MTCL1: variants seen among roughly 807,000 people sequenced by gnomAD.
MTCL1 encodes the protein microtubule crosslinking factor 1, also known as microtubule cross-linking factor 1.
In MTCL1, 79 loss-of-function variants were observed where a neutral mutation model predicts 141.4. That is an observed-to-expected ratio of 0.56 (90% confidence interval 0.47 to 0.67). The LOEUF is 0.67. Among genes scored for constraint, MTCL1 ranks in the 30% least tolerant of loss-of-function variants. The probability of loss-of-function intolerance (pLI) is 0.00; values close to 1 mark genes in which losing one functional copy is unlikely to be tolerated. For synonymous variants in MTCL1, 914 were observed against 875.8 expected, an observed-to-expected ratio of 1.04 and a Z score of -0.77; for missense variants, 2,177 against 2,113.9, an observed-to-expected ratio of 1.03 and a Z score of -0.59.
chr18:8,773,591 G>T (rs1435386162), intron 4 of MTCL1, among the ~76,000 whole-genome samples: 1 of 151,778 alleles, frequency 6.6e-6, no homozygotes, highest in East Asian at 1.9e-4. Flanking sequence ...CTTTTCTCTG[G>T]ATGTTTCTGC....
At chr18:8,824,946 A>G (rs779336814) in exon 15 of MTCL1, 1 of 1,613,682 alleles carries the variant, frequency 6.2e-7, no homozygotes, top group South Asian at 1.1e-5. Flanking sequence ...GCACGAGGAC[A>G]GCACAGAGCC....
At chr18:8,831,038 A>G in intron 16 of MTCL1, 1 of 985,694 alleles carries the variant, frequency 1.0e-6, no homozygotes, top group Non-Finnish European at 1.2e-6. Flanking sequence ...TGCCTGCAGC[A>G]TTTTTGCCAT....
chr18:8,706,066 G>T, exon 1 of MTCL1: 1 of 1,194,402 alleles, frequency 8.4e-7, no homozygotes, highest in Admixed American at 4.5e-5. Context: ...GGCGCGCGTG[G>T]CGCCCGCGGA....
At chr18:8,756,433 A>ATG (rs1325789454) in intron 4 of MTCL1, among the ~76,000 whole-genome samples, 7 of 138,084 alleles carry the variant, frequency 5.1e-5, no homozygotes, top group African/African-American at 1.7e-4. Flanking sequence ...ATGTGTATAT[A>ATG]TGTATATATG....
At chr18:8,739,856 C>T (rs1216308702) in intron 4 of MTCL1, among the ~76,000 whole-genome samples, 2 of 152,168 alleles carry the variant, frequency 1.3e-5, no homozygotes, top group African/African-American at 4.8e-5. Context: ...CTCAGCCTCC[C>T]GAGTAGCTGG....
At chr18:8,824,820 G>A (rs763269773) in exon 15 of MTCL1, 2 of 1,614,138 alleles carry the variant, frequency 1.2e-6, no homozygotes. Flanking sequence ...CCTGTCTCCA[G>A]ACGACCTCAA....
At chr18:8,821,478 T>A (rs2076844419) in exon 14 of MTCL1, 2 of 1,441,250 alleles carry the variant, frequency 1.4e-6, no homozygotes, top group Middle Eastern at 1.8e-4. Flanking sequence ...AAGAAGAAAA[T>A]CACAAAGGAA....
intron 5 of MTCL1, among the ~76,000 whole-genome samples, chr18:8,778,659 G>T (rs557689625): frequency 6.6e-6 from 1 of 152,158 alleles, no homozygotes; most frequent in East Asian, 1.9e-4. Context: ...ATCATTCAAG[G>T]GGGGGCAGGC....
upstream of MTCL1, among the ~76,000 whole-genome samples, chr18:8,713,007 G>T (rs1053128174): frequency 2.0e-5 from 3 of 152,130 alleles, no homozygotes; most frequent in South Asian, 4.1e-4. Flanking sequence ...ATACTAAGAA[G>T]CCATGGATTT....
At chr18:8,770,345 T>C (rs1164865057) in intron 4 of MTCL1, among the ~76,000 whole-genome samples, 1 of 152,220 alleles carries the variant, frequency 6.6e-6, no homozygotes, top group African/African-American at 2.4e-5. Context: ...TAACAAAATA[T>C]CACAGGCTAG....
At chr18:8,719,059 A>G (rs1440654333) in intron 3 of MTCL1, among the ~76,000 whole-genome samples, 1 of 152,222 alleles carries the variant, frequency 6.6e-6, no homozygotes, top group African/African-American at 2.4e-5. Flanking sequence ...TCTAGGATGT[A>G]GAAATCCTGA....
In MTCL1 at chr18:8,775,789, TAGTC is replaced by T. The variant is rs745775986; in HGVS notation, c.358-2041_358-2038del. Among the ~76,000 whole-genome samples, 5 of 152,300 alleles carry T rather than the reference TAGTC, an allele frequency of 3.3e-5. No individual in the cohort carries two copies. In the East Asian group the frequency reaches 7.7e-4, roughly 24 times the overall value. On this transcript the variant is annotated intron_variant, in intron 4 of 16. Coordinates refer to ENST00000359865, the Ensembl canonical transcript of MTCL1. ...CAGCTGGGGTTCCTTCCACCTTTGT[TAGTC>T]AGGGAGCCTGCTGCCCCTGCTCCAT...
chr18:8,710,149 T>C (rs2096079004), intron 1 of MTCL1, among the ~76,000 whole-genome samples: 1 of 149,896 alleles, frequency 6.7e-6, no homozygotes, highest in South Asian at 2.1e-4. Flanking sequence ...CTGGCCTGTA[T>C]TTTTTTAAAT....
At chr18:8,787,326 T>G (rs2096559792) in intron 7 of MTCL1, 1 of 152,370 alleles carries the variant, frequency 6.6e-6, no homozygotes, top group Admixed American at 6.5e-5. Context: ...GGTCTTCAGA[T>G]GAAGTCTCTC....
intron 1 of MTCL1, among the ~76,000 whole-genome samples, chr18:8,708,591 C>T (rs1306443584): frequency 6.6e-6 from 1 of 152,196 alleles, no homozygotes; most frequent in East Asian, 1.9e-4. Flanking sequence ...TTTTACTGCA[C>T]CGGGATGCAG....
rs547414790 is a variant in MTCL1, at chr18:8,718,877, A to G, written c.198+229A>G. 2.6e-5 allele frequency among the ~76,000 whole-genome samples: 4 copies of G among 152,296 alleles called. No homozygotes were observed. The South Asian group carries it at 8.3e-4, about 32-fold the overall frequency. ...TTTAAAAAAATGATGATTATTTGTG[A>G]TAACGAAGAATTAATACCTGCCAAT... is the stretch of plus-strand genomic sequence containing the variant. On this transcript the variant is annotated intron_variant, in intron 3 of 16. Coordinates refer to ENST00000359865, the Ensembl canonical transcript of MTCL1.
chr18:8,784,386 C>T lies in MTCL1; in HGVS notation c.1274C>T (p.Thr425Met), dbSNP rs367871130. Reference sequence around the variant, plus strand: ...GACTCGGAGGAAATGTTTGAGAAGACGTCGGGCTTCGGGAGCGGGAAGCCA... The same window carrying T: ...GACTCGGAGGAAATGTTTGAGAAGATGTCGGGCTTCGGGAGCGGGAAGCCA... The change falls in exon 6 of 17, where the codon ACG becomes ATG. Residue 425 changes from threonine to methionine, a missense_variant. Physicochemically the swap from Thr to Met is moderately conservative, Grantham distance 81 (BLOSUM62 -1). Transcript: ENST00000359865. 4.3e-5 allele frequency: 66 copies of T among 1,527,456 alleles called. No homozygotes were observed. The highest frequency in any genetic ancestry group is 1.0e-4 in the Admixed American group (5 of 48,132). The allele number at this position is 1,527,456 out of a possible 1,614,324, so 94.6% of individuals were successfully genotyped here. A position where few individuals can be genotyped will look rare whatever the true frequency, so the allele number is the denominator to read the frequency against.
intron 4 of MTCL1, among the ~76,000 whole-genome samples, chr18:8,765,595 C>T (rs1197861991): frequency 6.6e-6 from 1 of 152,186 alleles, no homozygotes; most frequent in Non-Finnish European, 1.5e-5. Flanking sequence ...CCCAACCACA[C>T]GAGGGATGGA....
At chr18:8,753,260 G>T (rs1300921149) in intron 4 of MTCL1, among the ~76,000 whole-genome samples, 1 of 152,192 alleles carries the variant, frequency 6.6e-6, no homozygotes, top group Non-Finnish European at 1.5e-5. Flanking sequence ...TTCTAATCCA[G>T]TTGTTTACCT....
Sources: allele counts gnomAD v4.1 joint callset (sites outside exome capture counted in the v4.1 genomes callset), GRCh38; gene constraint gnomAD v4.1.1; transcripts MANE v1.5; gene names NCBI Gene and HGNC (gene_info 2026-07-23, HGNC 2026-07-21).